KAT6B: variants seen among roughly 807,000 people sequenced by gnomAD.
KAT6B encodes the protein histone acetyltransferase KAT6B.
In KAT6B, 10 loss-of-function variants were observed where a neutral mutation model predicts 187.5. The ratio of observed to expected loss-of-function variants is 0.05; its 90% CI spans 0.03 to 0.09. The LOEUF (loss-of-function observed/expected upper bound fraction) is 0.09. Among genes scored for constraint, KAT6B ranks in the 10% least tolerant of loss-of-function variants. KAT6B has a pLI of 1.00. For synonymous variants in KAT6B, 861 were observed against 926.8 expected (o/e 0.93, Z 1.29); for missense variants, 1,952 against 2,558.9 (o/e 0.76, Z 5.12).
intron 1 of KAT6B, among the ~76,000 whole-genome samples, chr10:74,834,507 T>C (rs1161385288): frequency 2.0e-5 from 3 of 151,482 alleles, no homozygotes; most frequent in Non-Finnish European, 4.4e-5. Context: ...ATTTCTGTTT[T>C]TCATTTTTAA....
intron 3 of KAT6B, among the ~76,000 whole-genome samples, chr10:74,931,315 C>T (rs951452065): frequency 1.3e-5 from 2 of 152,280 alleles, no homozygotes; most frequent in African/African-American, 2.4e-5. Flanking sequence ...CTCCCCTTTC[C>T]ACCCGTGTCT....
intron 3 of KAT6B, among the ~76,000 whole-genome samples, chr10:74,958,246 G>C (rs888055548): frequency 2.6e-5 from 4 of 152,176 alleles, no homozygotes; most frequent in Non-Finnish European, 4.4e-5. Context: ...CATGTATTCA[G>C]TTAGCAGATA....
At chr10:74,875,343 T>G (rs1046251159) in intron 3 of KAT6B, among the ~76,000 whole-genome samples, 1 of 152,218 alleles carries the variant, frequency 6.6e-6, no homozygotes, top group African/African-American at 2.4e-5. Context: ...CAGTTTTGTT[T>G]AGCTAGTTCT....
chr10:74,839,727 C>T (rs2132041832), intron 2 of KAT6B, among the ~76,000 whole-genome samples: 1 of 152,270 alleles, frequency 6.6e-6, no homozygotes, highest in East Asian at 1.9e-4. Flanking sequence ...AGTGAAATAT[C>T]TTCTAATGAA....
In KAT6B at chr10:75,029,048, C is replaced by T. The variant is rs754464212; in HGVS notation, c.4224C>T (p.His1408=). Residue 1408 remains histidine, a synonymous_variant, in exon 18 of 18, where the codon CAC becomes CAT. Transcript: ENST00000287239. The surrounding 1 kb of genome is among the most constrained non-coding windows in gnomAD (Gnocchi z 6.2). ...EKEDSARLDD[H]EEEEEEDEEP... Reference sequence around the variant, plus strand: ...AAGACTCTGCACGTTTGGATGATCACGAAGAGGAGGAGGAAGAGGATGAAG... The same window carrying T: ...AAGACTCTGCACGTTTGGATGATCATGAAGAGGAGGAGGAAGAGGATGAAG... 7.4e-6 allele frequency: 12 copies of T among 1,613,748 alleles called. No individual in the cohort carries two copies. The highest frequency in any genetic ancestry group is 6.7e-5 in the East Asian group (3 of 44,888).
At chr10:74,864,913 C>T (rs568530717) in intron 3 of KAT6B, among the ~76,000 whole-genome samples, 4 of 152,226 alleles carry the variant, frequency 2.6e-5, no homozygotes, top group East Asian at 1.9e-4. Context: ...ATTATACCTA[C>T]GTTTATGTAT....
At chr10:74,828,551 A>G (rs1589424664) in intron 1 of KAT6B, among the ~76,000 whole-genome samples, 2 of 133,694 alleles carry the variant, frequency 1.5e-5, no homozygotes, top group African/African-American at 2.8e-5. Context: ...TTTTTTTCTT[A>G]CTCATAAGTT....
intron 3 of KAT6B, among the ~76,000 whole-genome samples, chr10:74,912,688 T>C (rs914065209): frequency 6.6e-6 from 1 of 152,234 alleles, no homozygotes; most frequent in Non-Finnish European, 1.5e-5. Context: ...TTTTAGGCTT[T>C]CAAAATCACA....
intron 8 of KAT6B, chr10:74,976,680 A>C: frequency 1.6e-5 from 6 of 378,758 alleles, no homozygotes; most frequent in South Asian, 1.3e-4. Context: ...TCACCTCTGC[A>C]GCCACAGCGC....
At chr10:74,868,518 G>A (rs1843700092) in intron 3 of KAT6B, among the ~76,000 whole-genome samples, 1 of 152,044 alleles carries the variant, frequency 6.6e-6, no homozygotes, top group Non-Finnish European at 1.5e-5. Flanking sequence ...TTTTACTGAA[G>A]GTGCAATATA....
chr10:74,937,231 C>T (rs978064838), intron 3 of KAT6B, among the ~76,000 whole-genome samples: 1 of 152,136 alleles, frequency 6.6e-6, no homozygotes, highest in Non-Finnish European at 1.5e-5. Context: ...AATGTAGCTT[C>T]GGAGCCAAAT....
At chr10:74,880,983 G>T (rs1844814398) in intron 3 of KAT6B, among the ~76,000 whole-genome samples, 1 of 151,320 alleles carries the variant, frequency 6.6e-6, no homozygotes, top group South Asian at 2.1e-4. Context: ...GAGTGCAGTG[G>T]TGCAGTCTTG....
rs546876498 is a variant in KAT6B, at chr10:74,976,068, A to G, written c.1731A>G (p.Leu577=). The change falls in exon 8 of 18, where the codon TTA becomes TTG. Residue 577 remains leucine, a synonymous_variant. Transcript: ENST00000287239. ...AACGTATGCGTCGTAAAACTGAATT[A>G]TCTTCCACGGCAAAATCTAAAGCCC... ...PPKRMRRKTE[L]SSTAKSKAHF... is the part of the protein sequence containing the mutation. 1 of 1,614,202 alleles carries G rather than the reference A, an allele frequency of 6.2e-7. No individual in the cohort carries two copies. The highest frequency in any genetic ancestry group is 8.5e-7 in the Non-Finnish European group (1 of 1,180,040).
intron 3 of KAT6B, among the ~76,000 whole-genome samples, chr10:74,924,143 A>C (rs1848329779): frequency 6.6e-6 from 1 of 152,182 alleles, no homozygotes; most frequent in African/African-American, 2.4e-5. Flanking sequence ...AGTAAAGGGG[A>C]GAGATGGCCA....
At position 74,870,307 on chromosome 10, in the gene KAT6B, C is replaced by T. The variant is rs141421591; in HGVS notation, c.621+26829C>T. Among the ~76,000 whole-genome samples the T allele has an allele frequency of 2.3e-3, 343 of 152,064 alleles. 1 individual carries two copies. Among genetic ancestry groups the T allele is most frequent in the African/African-American group, 7.9e-3 (326 of 41,486 alleles). ...GACTCTGTCTCAAAAGACAAAAAACCCCACGAAAAACCAAATATGAGACCA... is the reference window on the plus strand; with the variant it reads ...GACTCTGTCTCAAAAGACAAAAAACTCCACGAAAAACCAAATATGAGACCA... On this transcript the variant is annotated intron_variant, in intron 3 of 17. Transcript: ENST00000287239.
chr10:74,907,361 C>T (rs541632790), intron 3 of KAT6B, among the ~76,000 whole-genome samples: 1 of 152,286 alleles, frequency 6.6e-6, no homozygotes, highest in Admixed American at 6.5e-5. Context: ...CTGGACACCT[C>T]CAGTTTCTGA....
chr10:74,936,050 A>G (rs1849243457), intron 3 of KAT6B, among the ~76,000 whole-genome samples: 1 of 152,214 alleles, frequency 6.6e-6, no homozygotes, highest in Non-Finnish European at 1.5e-5. Flanking sequence ...GCCATTATTT[A>G]GCATGAAGAT....
At chr10:74,826,037 T>TGCCCGCCCGCGCGC (rs903754589), upstream of KAT6B, among the ~76,000 whole-genome samples, 14 of 149,514 alleles carry the variant, frequency 9.4e-5, no homozygotes, top group South Asian at 4.3e-4. Flanking sequence ...TAACTTCGCG[T>TGCCCGCCCGCGCGC]GCCCGCCCGC....
chr10:74,878,164 G>A (rs1442072341), intron 3 of KAT6B, among the ~76,000 whole-genome samples: 1 of 152,130 alleles, frequency 6.6e-6, no homozygotes, highest in East Asian at 1.9e-4. Context: ...TGCCTGTTAG[G>A]GATGCAACAG....
Sources: allele counts gnomAD v4.1 joint callset (sites outside exome capture counted in the v4.1 genomes callset), GRCh38; gene constraint gnomAD v4.1.1; non-coding constraint Gnocchi (gnomAD v3.1); transcripts MANE v1.5; gene names NCBI Gene and HGNC (gene_info 2026-07-23, HGNC 2026-07-21).